HPCAL1: variants seen among roughly 807,000 people sequenced by gnomAD.
HPCAL1 encodes hippocalcin-like protein 1.
Under a neutral mutation model 17.1 loss-of-function variants are expected in HPCAL1, and 8 were observed. The observed-to-expected ratio is 0.47, with a 90% CI of 0.27 to 0.84. The LOEUF (loss-of-function observed/expected upper bound fraction) is 0.84. Among genes scored for constraint, HPCAL1 ranks in the 40% least tolerant of loss-of-function variants. HPCAL1 has a pLI of 0.13. For synonymous variants in HPCAL1, 112 were observed against 111.4 expected, an observed-to-expected ratio of 1.01 and a Z score of -0.03; for missense variants, 165 against 271.1, an observed-to-expected ratio of 0.61 and a Z score of 2.75.
chr2:10,421,737 C>G (rs1435298876), intron 3 of HPCAL1, among the ~76,000 whole-genome samples: 1 of 152,112 alleles, frequency 6.6e-6, no homozygotes, highest in Admixed American at 6.6e-5. Flanking sequence ...AAAAATGGAA[C>G]TCTTCAGAAG....
At chr2:10,380,708 T>C (rs1468270753) in intron 1 of HPCAL1, among the ~76,000 whole-genome samples, 1 of 152,158 alleles carries the variant, frequency 6.6e-6, no homozygotes, top group Non-Finnish European at 1.5e-5. Context: ...TGTTTAGATG[T>C]CACCTCCTCT....
chr2:10,372,238 G>A (rs552111105), intron 1 of HPCAL1, among the ~76,000 whole-genome samples: 1 of 152,194 alleles, frequency 6.6e-6, no homozygotes, highest in Non-Finnish European at 1.5e-5. Flanking sequence ...AGGAAGCTGG[G>A]TGGTGCCCTG....
At chr2:10,382,411 T>C (rs1218342157) in intron 1 of HPCAL1, among the ~76,000 whole-genome samples, 2 of 151,990 alleles carry the variant, frequency 1.3e-5, no homozygotes, top group Non-Finnish European at 1.5e-5. Flanking sequence ...GCACCAGCAG[T>C]GAGTCCTAAT....
intron 1 of HPCAL1, among the ~76,000 whole-genome samples, chr2:10,305,946 G>T (rs2125373295): frequency 6.6e-6 from 1 of 152,324 alleles, no homozygotes; most frequent in African/African-American, 2.4e-5. Flanking sequence ...TCAGGGCTCT[G>T]CAAGCACAGT....
rs555477202 is a variant in HPCAL1 at position 10,344,051 on chromosome 2, C to T, written c.-111+40874C>T. Among the ~76,000 whole-genome samples, 28 of 152,226 alleles carry T rather than the reference C, an allele frequency of 1.8e-4. No homozygotes were observed. Among genetic ancestry groups the T allele is most frequent in the Middle Eastern group, 3.4e-3 (1 of 294 alleles). ...CTTTCTAACTGGGTTACTGAGCTGT[C>T]GAAGGAGCAGGGATGAAGACTCCCT... On this transcript the variant is annotated intron_variant, in intron 1 of 4. Transcript: ENST00000307845. The surrounding 1 kb of genome is among the most constrained non-coding windows in gnomAD (Gnocchi z 4.9).
At chr2:10,413,321 A>C (rs1297163256) in intron 2 of HPCAL1, among the ~76,000 whole-genome samples, 1 of 152,214 alleles carries the variant, frequency 6.6e-6, no homozygotes, top group Non-Finnish European at 1.5e-5. Context: ...AGTGGGTCAC[A>C]CTGGAATACC....
At chr2:10,338,518 G>A (rs1332950048) in intron 1 of HPCAL1, among the ~76,000 whole-genome samples, 1 of 152,142 alleles carries the variant, frequency 6.6e-6, no homozygotes, top group South Asian at 2.1e-4. Flanking sequence ...AGATGAAGTT[G>A]GTGGGTCACT....
At chr2:10,403,692 A>G (rs1029886946) in intron 2 of HPCAL1, among the ~76,000 whole-genome samples, 1 of 152,062 alleles carries the variant, frequency 6.6e-6, no homozygotes, top group Non-Finnish European at 1.5e-5. Context: ...CATGTTGGCC[A>G]GGCTGGTCTT....
chr2:10,400,924 G>A (rs1298536678), intron 2 of HPCAL1, among the ~76,000 whole-genome samples: 1 of 152,342 alleles, frequency 6.6e-6, no homozygotes, highest in African/African-American at 2.4e-5. Flanking sequence ...CAGCATCTCC[G>A]GAGCATCTGC....
rs949607387 is a variant in HPCAL1 at position 10,371,399 on chromosome 2, G to C, written c.-110-25436G>C. ...CATTCGCCCTGTTCACCTGGGCTTTGAGGCCCCAGGTGTAGGCCCAGGGGG... is the reference window on the plus strand; with the variant it reads ...CATTCGCCCTGTTCACCTGGGCTTTCAGGCCCCAGGTGTAGGCCCAGGGGG... On this transcript the variant is annotated intron_variant, in intron 1 of 4. Transcript: ENST00000307845. 4.8e-5 allele frequency among the ~76,000 whole-genome samples: 5 copies of C among 104,294 alleles called. No homozygotes were observed. In the Admixed American group the frequency reaches 6.0e-4, roughly 13 times the overall value. 68.4% of individuals were successfully genotyped at this position (104,294 alleles called of 152,430 possible).
At chr2:10,388,241 G>A (rs1393765859) in intron 1 of HPCAL1, among the ~76,000 whole-genome samples, 1 of 152,158 alleles carries the variant, frequency 6.6e-6, no homozygotes, top group Non-Finnish European at 1.5e-5. Flanking sequence ...TTTCCCCTGT[G>A]GCTGCCTCAC....
intron 1 of HPCAL1, among the ~76,000 whole-genome samples, chr2:10,396,218 G>A (rs115489877): frequency 0.024 from 3,618 of 152,340 alleles, 129 homozygotes; most frequent in African/African-American, 0.079. Flanking sequence ...AGCACCTAGT[G>A]TGTGCCCTGT....
intron 1 of HPCAL1, among the ~76,000 whole-genome samples, chr2:10,313,295 G>A (rs1663100740): frequency 6.6e-6 from 1 of 152,164 alleles, no homozygotes; most frequent in South Asian, 2.1e-4. Flanking sequence ...TCCCAGGGTG[G>A]TAGGCCACTT....
At chr2:10,372,983 C>G (rs909668846) in intron 1 of HPCAL1, among the ~76,000 whole-genome samples, 1 of 152,236 alleles carries the variant, frequency 6.6e-6, no homozygotes, top group African/African-American at 2.4e-5. Flanking sequence ...TACAAGGGAC[C>G]CAAGAGAGGG....
chr2:10,379,183 G>T (rs1390184149), intron 1 of HPCAL1, among the ~76,000 whole-genome samples: 1 of 151,796 alleles, frequency 6.6e-6, no homozygotes, highest in Non-Finnish European at 1.5e-5. Context: ...ATAAAAATTT[G>T]TCCACCTGGG....
At chr2:10,338,812 A>C (rs1398710720) in intron 1 of HPCAL1, among the ~76,000 whole-genome samples, 1 of 152,174 alleles carries the variant, frequency 6.6e-6, no homozygotes, top group African/African-American at 2.4e-5. Context: ...ATAGAGGAAA[A>C]AGCAGAGATG....
chr2:10,386,835 G>T (rs1283271305), intron 1 of HPCAL1, among the ~76,000 whole-genome samples: 1 of 152,170 alleles, frequency 6.6e-6, no homozygotes, highest in East Asian at 1.9e-4. Context: ...CCCACCCTCT[G>T]CACCGCCTTG....
At chr2:10,326,077 G>A (rs1663994280) in intron 1 of HPCAL1, among the ~76,000 whole-genome samples, 1 of 152,242 alleles carries the variant, frequency 6.6e-6, no homozygotes, top group Non-Finnish European at 1.5e-5. Flanking sequence ...GTGTTCGTCA[G>A]GCCTGTCCGT....
chr2:10,399,108 C>T lies in HPCAL1; in HGVS notation c.-25+2188C>T, dbSNP rs115647681. 3.8e-3 allele frequency among the ~76,000 whole-genome samples: 575 copies of T among 151,690 alleles called. 1 individual carries two copies. Among genetic ancestry groups the T allele is most frequent in the African/African-American group, 0.013 (539 of 41,304 alleles). ...ACCCGTGTCAAGAAGCTGGAGCAGG[C>T]GAAGAGATCAGAAGAGGGTAGAGGA... On this transcript the variant is annotated intron_variant, in intron 2 of 4. Coordinates refer to ENST00000307845, the MANE Select transcript of HPCAL1 (RefSeq NM_002149.4).
Sources: allele counts gnomAD v4.1 joint callset (sites outside exome capture counted in the v4.1 genomes callset), GRCh38; gene constraint gnomAD v4.1.1; non-coding constraint Gnocchi (gnomAD v3.1); transcripts MANE v1.5; gene names NCBI Gene and HGNC (gene_info 2026-07-23, HGNC 2026-07-21).